The following HERPUD2 variants were observed in gnomAD, a reference collection of about 807,000 sequenced individuals.
HERPUD2 encodes the protein homocysteine-responsive endoplasmic reticulum-resident ubiquitin-like domain member 2 protein.
HERPUD2 carries 13 observed loss-of-function variants against 49.9 expected under a neutral mutation model. The ratio of observed to expected loss-of-function variants is 0.26; its 90% CI spans 0.17 to 0.41. The LOEUF is 0.41. Among genes scored for constraint, HERPUD2 ranks in the 10% least tolerant of loss-of-function variants. HERPUD2 has a pLI of 1.00. For missense variants in HERPUD2, 449 were observed against 492.2 expected (o/e 0.91, Z 0.83); for synonymous variants, 172 against 171.4 (o/e 1.00, Z -0.03).
Position 35,635,303 on chromosome 7 carries a change from T to C in HERPUD2, c.773A>G (p.Gln258Arg). Reference sequence around the variant, plus strand: ...TACTGGACCTCCCTGTGCATTCATTTGAACATTCTCATTCATGGGTCGATT... The same window carrying C: ...TACTGGACCTCCCTGTGCATTCATTCGAACATTCTCATTCATGGGTCGATT... ...QENRPMNENV[Q>R]MNAQGGPVLN... Residue 258 changes from glutamine (Q) to arginine (R), a missense_variant, in exon 7 of 9, where the codon CAA becomes CGA. Coordinates refer to ENST00000311350, the MANE Select transcript of HERPUD2 (RefSeq NM_022373.5). 3 of 1,614,202 alleles carry C rather than the reference T, an allele frequency of 1.9e-6. No homozygotes were observed. Among genetic ancestry groups the C allele is most frequent in the Non-Finnish European group, 2.5e-6 (3 of 1,180,030 alleles).
intron 5 of HERPUD2, among the ~76,000 whole-genome samples, chr7:35,665,401 A>G (rs1214646399): frequency 2.0e-5 from 3 of 152,234 alleles, no homozygotes; most frequent in Non-Finnish European, 4.4e-5. Context: ...CTCCTTGGGC[A>G]TGGGACCCTC....
intron 2 of HERPUD2, among the ~76,000 whole-genome samples, chr7:35,678,602 A>G (rs1785815775): frequency 6.6e-6 from 1 of 152,228 alleles, no homozygotes. Context: ...CGCCCAGCCT[A>G]AAGTCTCAGT....
intron 2 of HERPUD2, among the ~76,000 whole-genome samples, chr7:35,680,542 C>T (rs1785860234): frequency 6.6e-6 from 1 of 152,224 alleles, no homozygotes; most frequent in South Asian, 2.1e-4. Flanking sequence ...TTCTGTCTCT[C>T]TCCAAACTCC....
At chr7:35,687,005 A>G (rs925657501) in intron 2 of HERPUD2, among the ~76,000 whole-genome samples, 1 of 152,014 alleles carries the variant, frequency 6.6e-6, no homozygotes, top group Non-Finnish European at 1.5e-5. Flanking sequence ...GGTTGCAGTG[A>G]GCTGAGATCA....
At chr7:35,639,176 G>A (rs1334090072) in intron 5 of HERPUD2, among the ~76,000 whole-genome samples, 2 of 151,924 alleles carry the variant, frequency 1.3e-5, no homozygotes, top group African/African-American at 2.4e-5. Flanking sequence ...CTACAGGCAC[G>A]CGCCACCACA....
chr7:35,680,662 T>C (rs1432985757), intron 2 of HERPUD2, among the ~76,000 whole-genome samples: 3 of 152,208 alleles, frequency 2.0e-5, no homozygotes, highest in Non-Finnish European at 4.4e-5. Flanking sequence ...AGCTCTTGCA[T>C]ACCTGACTCT....
intron 4 of HERPUD2, 37 bp downstream of exon 4, chr7:35,670,173 AAAAAG>A (rs964001045): frequency 1.9e-6 from 2 of 1,027,950 alleles, no homozygotes; most frequent in African/African-American, 3.3e-5. Flanking sequence ...ACGACGAAAA[AAAAAG>A]AAAAGTTCAA....
At chr7:35,655,059 C>T (rs1481342603) in intron 5 of HERPUD2, among the ~76,000 whole-genome samples, 1 of 152,110 alleles carries the variant, frequency 6.6e-6, no homozygotes, top group Non-Finnish European at 1.5e-5. Flanking sequence ...ACAATGTTGG[C>T]CAGGCTGGTC....
At chr7:35,688,026 A>G (rs1441057029) in intron 2 of HERPUD2, among the ~76,000 whole-genome samples, 1 of 152,226 alleles carries the variant, frequency 6.6e-6, no homozygotes, top group Non-Finnish European at 1.5e-5. Context: ...ATAGTTCAGT[A>G]AAGGCAATCT....
intron 5 of HERPUD2, among the ~76,000 whole-genome samples, chr7:35,646,762 G>A (rs1370614015): frequency 2.0e-5 from 3 of 152,038 alleles, no homozygotes; most frequent in Non-Finnish European, 4.4e-5. Context: ...TAATAACCTG[G>A]TTTCTCCCTC....
intron 5 of HERPUD2, among the ~76,000 whole-genome samples, chr7:35,655,521 G>C (rs965948513): frequency 1.3e-5 from 2 of 152,038 alleles, no homozygotes; most frequent in Admixed American, 1.3e-4. Context: ...CAACAAACTA[G>C]GCATAGACGG....
intron 5 of HERPUD2, among the ~76,000 whole-genome samples, chr7:35,662,835 T>C (rs1785453479): frequency 2.0e-5 from 3 of 152,226 alleles, no homozygotes; most frequent in South Asian, 2.1e-4. Context: ...CTGGCTTCAT[T>C]GATATTTTTG....
At chr7:35,688,828 C>A (rs865957023) in intron 2 of HERPUD2, among the ~76,000 whole-genome samples, 3 of 152,076 alleles carry the variant, frequency 2.0e-5, no homozygotes, top group African/African-American at 7.2e-5. Flanking sequence ...TAAGTCCAAC[C>A]TGGGTTCAAA....
At chr7:35,655,809 T>C (rs1394973997) in intron 5 of HERPUD2, among the ~76,000 whole-genome samples, 1 of 152,188 alleles carries the variant, frequency 6.6e-6, no homozygotes, top group Non-Finnish European at 1.5e-5. Context: ...AGTTACAGGA[T>C]ACAAAGTCAA....
rs1309576232 is a variant in HERPUD2 at position 35,661,966 on chromosome 7, A to C, written c.494+5468T>G. Reference sequence around the variant, plus strand: ...CTGTCTTGTGCCAGTTTTCAAAGGGAATGCTTCCAGTTTTTGCCCATTCAG... The same window carrying C: ...CTGTCTTGTGCCAGTTTTCAAAGGGCATGCTTCCAGTTTTTGCCCATTCAG... On this transcript the variant is annotated intron_variant, in intron 5 of 8. Coordinates refer to ENST00000311350, the MANE Select transcript of HERPUD2 (RefSeq NM_022373.5). Among the ~76,000 whole-genome samples the C allele has an allele frequency of 2.6e-5, 4 of 152,160 alleles. No homozygotes were observed. In the East Asian group the frequency reaches 5.8e-4, roughly 22 times the overall value.
At chr7:35,644,554 G>A (rs377237352) in intron 5 of HERPUD2, among the ~76,000 whole-genome samples, 303 of 152,286 alleles carry the variant, frequency 2.0e-3, no homozygotes, top group Non-Finnish European at 3.6e-3. Flanking sequence ...GATTGCTTGA[G>A]CTCAGGAGTT....
intron 5 of HERPUD2, among the ~76,000 whole-genome samples, chr7:35,663,740 T>G (rs957482009): frequency 1.3e-5 from 2 of 152,184 alleles, no homozygotes; most frequent in Admixed American, 6.5e-5. Flanking sequence ...TTTTTTGTTT[T>G]CCATTTGCTT....
intron 5 of HERPUD2, among the ~76,000 whole-genome samples, chr7:35,645,773 T>C (rs1328185888): frequency 2.0e-5 from 3 of 152,198 alleles, no homozygotes; most frequent in African/African-American, 4.8e-5. Flanking sequence ...TAAACACACA[T>C]ATACACATGC....
chr7:35,670,605 T>C (rs1583560225), intron 3 of HERPUD2, among the ~76,000 whole-genome samples: 1 of 151,294 alleles, frequency 6.6e-6, no homozygotes, highest in Admixed American at 6.6e-5. Flanking sequence ...GCAAACAATG[T>C]TGTGAAAGTT....
Sources: allele counts gnomAD v4.1 joint callset (sites outside exome capture counted in the v4.1 genomes callset), GRCh38; gene constraint gnomAD v4.1.1; transcripts MANE v1.5; gene names NCBI Gene and HGNC (gene_info 2026-07-23, HGNC 2026-07-21).